PHYHIPL: variants seen among roughly 807,000 people sequenced by gnomAD.
PHYHIPL encodes phytanoyl-CoA hydroxylase-interacting protein-like.
Under a neutral mutation model 33.4 loss-of-function variants are expected in PHYHIPL, and 9 were observed. That is an observed-to-expected ratio of 0.27 (90% CI 0.16 to 0.47). The LOEUF is 0.47. PHYHIPL is among the 20% of genes least tolerant of loss of function. PHYHIPL has a pLI of 0.99. For missense variants in PHYHIPL, 365 were observed against 460.7 expected (o/e 0.79, Z 1.90); for synonymous variants, 153 against 154.1 (o/e 0.99, Z 0.05).
At chr10:59,177,246 G>A (rs1324337634) in intron 1 of PHYHIPL, 2 of 584,408 alleles carry the variant, frequency 3.4e-6, no homozygotes, top group African/African-American at 3.8e-5. Context: ...TCCCGCTCGC[G>A]GCTCCTGCCC....
intron 1 of PHYHIPL, among the ~76,000 whole-genome samples, chr10:59,211,552 T>C (rs1237260150): frequency 6.6e-6 from 1 of 151,242 alleles, no homozygotes; most frequent in East Asian, 2.0e-4. Context: ...AATTTTGTGC[T>C]TTTAGTAGAG....
intron 1 of PHYHIPL, among the ~76,000 whole-genome samples, chr10:59,228,899 C>T (rs151218024): frequency 4.5e-4 from 69 of 152,178 alleles, no homozygotes; most frequent in African/African-American, 1.6e-3. Flanking sequence ...TATTGTAGCA[C>T]TCAAGGAAAG....
chr10:59,199,536 A>T (rs920246170), intron 1 of PHYHIPL, among the ~76,000 whole-genome samples: 17 of 152,074 alleles, frequency 1.1e-4, no homozygotes, highest in East Asian at 7.7e-4. Context: ...CTTGGCAATG[A>T]GGGCTCTTTT....
At position 59,247,381 on chromosome 10, in the gene PHYHIPL, T is replaced by C; in HGVS notation, c.*1790T>C. ...TTGACTATGAGTTTTCTGCTTGGCATGGAGGACACTGAATTTTTTCCCAAT... is the reference window on the plus strand; with the variant it reads ...TTGACTATGAGTTTTCTGCTTGGCACGGAGGACACTGAATTTTTTCCCAAT... On this transcript the variant is annotated 3_prime_UTR_variant, in exon 5 of 5. Coordinates refer to ENST00000373880, the MANE Select transcript of PHYHIPL (RefSeq NM_032439.4). 1 of 506,466 alleles carries C rather than the reference T, an allele frequency of 2.0e-6. No homozygotes were observed. The allele number at this position is 506,466 out of a possible 1,614,324, so 31.4% of individuals were successfully genotyped here. A position where few individuals can be genotyped will look rare whatever the true frequency, so the allele number is the denominator to read the frequency against.
intron 2 of PHYHIPL, among the ~76,000 whole-genome samples, chr10:59,235,146 A>ATGGCATGAACCCGGG (rs1554799969): frequency 6.6e-6 from 1 of 151,808 alleles, no homozygotes; most frequent in Non-Finnish European, 1.5e-5. Flanking sequence ...CTTTAGGGCT[A>ATGGCATGAACCCGGG]AAAATTGCTT....
chr10:59,224,497 A>AAACAAAACAAAACAAAACAAAACAC (rs370140471), intron 1 of PHYHIPL, among the ~76,000 whole-genome samples: 158 of 70,506 alleles, frequency 2.2e-3, no homozygotes, highest in Non-Finnish European at 3.6e-3. Flanking sequence ...AAACAAAACA[A>AAACAAAACAAAACAAAACAAAACAC]AAAACAAAAC....
chr10:59,186,958 C>T (rs201931471), intron 1 of PHYHIPL, among the ~76,000 whole-genome samples: 20 of 150,240 alleles, frequency 1.3e-4, no homozygotes, highest in African/African-American at 2.7e-4. Flanking sequence ...AGTTTATTTC[C>T]TTCTCCTGCC....
At chr10:59,236,794 TAACAGAATA>T (rs1840240361) in intron 3 of PHYHIPL, 137 bp downstream of exon 3, 2 of 664,136 alleles carry the variant, frequency 3.0e-6, no homozygotes, top group South Asian at 6.6e-5. Context: ...TAGCATTGTG[TAACAGAATA>T]AACAATGTTG....
chr10:59,186,358 G>T (rs1738108001), intron 1 of PHYHIPL, among the ~76,000 whole-genome samples: 1 of 152,062 alleles, frequency 6.6e-6, no homozygotes, highest in Non-Finnish European at 1.5e-5. Flanking sequence ...ATGCTGTTTT[G>T]GTTACCGTAG....
intron 1 of PHYHIPL, chr10:59,183,636 G>C (rs555969041): frequency 2.0e-6 from 2 of 984,714 alleles, no homozygotes; most frequent in East Asian, 1.1e-4. Flanking sequence ...TGTTACAAAT[G>C]TAACTAAGAG....
At chr10:59,173,707 T>C (rs1187948027), upstream of PHYHIPL, among the ~76,000 whole-genome samples, 7 of 152,174 alleles carry the variant, frequency 4.6e-5, no homozygotes, top group Non-Finnish European at 7.3e-5. Flanking sequence ...GTAGGTAAGA[T>C]AATTTCTTTA....
At chr10:59,181,242 TTGAACCACTGCTTTTTAAAATTTC>T (rs1838406478) in intron 1 of PHYHIPL, among the ~76,000 whole-genome samples, 1 of 152,206 alleles carries the variant, frequency 6.6e-6, no homozygotes, top group African/African-American at 2.4e-5. Flanking sequence ...ACTTCTTGAA[TTGAACCACTGCTTTTTAAAATTTC>T]TTTTTTGCCA....
chr10:59,198,669 T>A (rs576322851), intron 1 of PHYHIPL, among the ~76,000 whole-genome samples: 1 of 152,142 alleles, frequency 6.6e-6, no homozygotes, highest in Non-Finnish European at 1.5e-5. Context: ...ACAGTCCCAC[T>A]AACAGTGTAA....
At chr10:59,229,450 T>C (rs1289904426) in intron 1 of PHYHIPL, among the ~76,000 whole-genome samples, 1 of 152,166 alleles carries the variant, frequency 6.6e-6, no homozygotes, top group Non-Finnish European at 1.5e-5. Flanking sequence ...GACTTTTTAA[T>C]TCTTGAGAGA....
intron 1 of PHYHIPL, chr10:59,177,538 T>A: frequency 6.4e-7 from 1 of 1,551,668 alleles, no homozygotes; most frequent in Non-Finnish European, 8.7e-7. Flanking sequence ...ACAGACACAA[T>A]CTTCATGGTT....
chr10:59,222,295 CTG>C (rs974988000), intron 1 of PHYHIPL, among the ~76,000 whole-genome samples: 8 of 151,830 alleles, frequency 5.3e-5, no homozygotes, highest in Admixed American at 4.6e-4. Context: ...GATTAAAAAA[CTG>C]TAAAAAATGC....
intron 1 of PHYHIPL, among the ~76,000 whole-genome samples, chr10:59,215,267 A>T (rs989438145): frequency 6.6e-6 from 1 of 152,068 alleles, no homozygotes; most frequent in Non-Finnish European, 1.5e-5. Flanking sequence ...AGAAAAGATC[A>T]TTGCCTTCTA....
chr10:59,195,764 C>A (rs1838894970), intron 1 of PHYHIPL, among the ~76,000 whole-genome samples: 1 of 151,966 alleles, frequency 6.6e-6, no homozygotes, highest in Non-Finnish European at 1.5e-5. Context: ...AAATTATATG[C>A]TTTAATTGTT....
intron 1 of PHYHIPL, chr10:59,206,900 A>G (rs1221884004): frequency 9.0e-6 from 6 of 669,190 alleles, no homozygotes; most frequent in Non-Finnish European, 1.2e-5. Context: ...CAAATTATGG[A>G]AAGTGTGACA....
Sources: gnomAD v4.1 joint callset for allele counts (sites outside exome capture counted in the v4.1 genomes callset) on GRCh38, gnomAD v4.1.1 for gene constraint, MANE v1.5 for transcripts, NCBI Gene and HGNC (gene_info 2026-07-23, HGNC 2026-07-21) for gene names.